The following GRID2 variants were observed in gnomAD, a reference collection of about 807,000 sequenced individuals.
GRID2 encodes the protein glutamate receptor ionotropic, delta-2.
Under a neutral mutation model 114.8 loss-of-function variants are expected in GRID2, and 33 were observed. The observed-to-expected ratio is 0.29, with a 90% CI of 0.22 to 0.38. The LOEUF (loss-of-function observed/expected upper bound fraction) is 0.38. GRID2 is among the 10% of genes least tolerant of loss of function. GRID2 has a pLI of 1.00. For missense variants in GRID2, 1,184 were observed against 1,257.7 expected, an observed-to-expected ratio of 0.94 and a Z score of 0.89; for synonymous variants, 505 against 449.9, an observed-to-expected ratio of 1.12 and a Z score of -1.55.
chr4:92,641,875 C>A (rs1019211964), intron 2 of GRID2, among the ~76,000 whole-genome samples: 2 of 150,270 alleles, frequency 1.3e-5, no homozygotes, highest in Admixed American at 6.7e-5. Flanking sequence ...TAAATGAGAA[C>A]ATGCAGTATT....
At chr4:92,954,525 C>T (rs183777894) in intron 2 of GRID2, among the ~76,000 whole-genome samples, 2,258 of 151,936 alleles carry the variant, frequency 0.015, 21 homozygotes, top group East Asian at 0.053. Context: ...CTCCCAGGTT[C>T]GCGCCATTCT....
intron 14 of GRID2, among the ~76,000 whole-genome samples, chr4:93,696,700 A>G (rs1194161279): frequency 1.3e-5 from 2 of 152,206 alleles, no homozygotes; most frequent in African/African-American, 2.4e-5. Flanking sequence ...ATTTGAAACT[A>G]GAAGTGCAAT....
At chr4:93,103,767 A>G (rs537779363) in intron 3 of GRID2, among the ~76,000 whole-genome samples, 1 of 152,166 alleles carries the variant, frequency 6.6e-6, no homozygotes, top group East Asian at 1.9e-4. Flanking sequence ...CTGTAACACA[A>G]AGAAGGTTAA....
intron 4 of GRID2, among the ~76,000 whole-genome samples, chr4:93,146,555 GTCTT>G (rs1403595031): frequency 6.6e-6 from 1 of 152,008 alleles, no homozygotes; most frequent in Non-Finnish European, 1.5e-5. Context: ...CATCTGAAGA[GTCTT>G]TCTGGATTCT....
At chr4:92,613,083 T>C (rs1365397124) in intron 2 of GRID2, among the ~76,000 whole-genome samples, 1 of 151,456 alleles carries the variant, frequency 6.6e-6, no homozygotes, top group African/African-American at 2.4e-5. Flanking sequence ...ATTTATCATG[T>C]TGAAGAAATT....
intron 2 of GRID2, among the ~76,000 whole-genome samples, chr4:92,704,897 T>G (rs2149304635): frequency 6.6e-6 from 1 of 152,076 alleles, no homozygotes; most frequent in African/African-American, 2.4e-5. Context: ...TTAGATTCAC[T>G]TGTATATAAA....
chr4:92,469,019 A>G (rs548976135), intron 1 of GRID2, among the ~76,000 whole-genome samples: 2 of 152,236 alleles, frequency 1.3e-5, no homozygotes, highest in Admixed American at 6.5e-5. Flanking sequence ...AGCTCAACCT[A>G]TGTCACTGCC....
intron 2 of GRID2, among the ~76,000 whole-genome samples, chr4:92,943,227 C>G (rs950969632): frequency 6.6e-6 from 1 of 152,174 alleles, no homozygotes; most frequent in African/African-American, 2.4e-5. Flanking sequence ...TAGATTTGGT[C>G]TTTTCACATA....
chr4:92,546,558 G>A (rs1393832858), intron 1 of GRID2, among the ~76,000 whole-genome samples: 2 of 152,116 alleles, frequency 1.3e-5, no homozygotes, highest in Non-Finnish European at 2.9e-5. Context: ...GTGTGTGCGC[G>A]CGCGTGTGCA....
At chr4:93,206,262 T>A (rs2149468288) in intron 4 of GRID2, among the ~76,000 whole-genome samples, 1 of 152,030 alleles carries the variant, frequency 6.6e-6, no homozygotes, top group African/African-American at 2.4e-5. Flanking sequence ...TTACGTACTT[T>A]GAAAAAACAT....
intron 2 of GRID2, among the ~76,000 whole-genome samples, chr4:92,727,845 A>T (rs968042434): frequency 2.0e-5 from 3 of 152,060 alleles, no homozygotes; most frequent in Non-Finnish European, 4.4e-5. Flanking sequence ...CATTTTATGG[A>T]TGAAAAAAAC....
At chr4:93,325,331 C>A (rs1294309548) in intron 8 of GRID2, among the ~76,000 whole-genome samples, 2 of 151,968 alleles carry the variant, frequency 1.3e-5, no homozygotes, top group Non-Finnish European at 2.9e-5. Context: ...TGAGGACTTG[C>A]ATGTTTTACT....
chr4:92,469,194 G>C (rs977217677), intron 1 of GRID2, among the ~76,000 whole-genome samples: 4 of 152,022 alleles, frequency 2.6e-5, no homozygotes, highest in Admixed American at 2.6e-4. Flanking sequence ...TTTCTTTTTG[G>C]AATTATTTTT....
chr4:92,333,757 T>TG (rs1440218881), intron 1 of GRID2, among the ~76,000 whole-genome samples: 2 of 152,162 alleles, frequency 1.3e-5, no homozygotes, highest in East Asian at 3.9e-4. Context: ...TAGTTAGATA[T>TG]GGGGTCTTGG....
At chr4:93,521,368 G>A (rs776862187) in intron 13 of GRID2, among the ~76,000 whole-genome samples, 1 of 152,096 alleles carries the variant, frequency 6.6e-6, no homozygotes, top group Non-Finnish European at 1.5e-5. Context: ...TTTAGAGGAG[G>A]CAGAGACAGA....
chr4:93,315,764 C>T (rs1756514290), intron 8 of GRID2, among the ~76,000 whole-genome samples: 1 of 152,112 alleles, frequency 6.6e-6, no homozygotes, highest in Non-Finnish European at 1.5e-5. Flanking sequence ...TAGTTACATA[C>T]TCTCCTATAC....
At position 93,772,140 on chromosome 4, in the gene GRID2, A is replaced by G. The variant is rs1734157281; in HGVS notation, c.2666A>G (p.Asp889Gly). 6.2e-7 allele frequency: 1 copy of G among 1,613,142 alleles called. No homozygotes were observed. Among genetic ancestry groups the G allele is most frequent in the Non-Finnish European group, 8.5e-7 (1 of 1,179,128 alleles). The change falls in exon 16 of 16, where the codon GAC becomes GGC. Residue 889 changes from aspartate to glycine, a missense_variant. Coordinates refer to ENST00000282020, the MANE Select transcript of GRID2 (RefSeq NM_001510.4). Reference sequence around the variant, plus strand: ...GTAAATAGCTTGTGCACAGATGACGACAGCCCCCATAAACAGTTTTCCACC... The same window carrying G: ...GTAAATAGCTTGTGCACAGATGACGGCAGCCCCCATAAACAGTTTTCCACC... ...RRVNSLCTDDDSPHKQFSTSS... is the reference protein window; with the variant it reads ...RRVNSLCTDDGSPHKQFSTSS...
chr4:93,073,922 G>A (rs1415665557), intron 2 of GRID2, among the ~76,000 whole-genome samples: 1 of 152,186 alleles, frequency 6.6e-6, no homozygotes, highest in African/African-American at 2.4e-5. Context: ...GGCTGGACCA[G>A]GTCCGCGATA....
chr4:93,359,592 C>T (rs1160956291), intron 8 of GRID2, among the ~76,000 whole-genome samples: 1 of 151,298 alleles, frequency 6.6e-6, no homozygotes. Flanking sequence ...CCTCTGGTAA[C>T]CATCCTTCTC....
Sources: allele counts gnomAD v4.1 joint callset (sites outside exome capture counted in the v4.1 genomes callset), GRCh38; gene constraint gnomAD v4.1.1; transcripts MANE v1.5; gene names NCBI Gene and HGNC (gene_info 2026-07-23, HGNC 2026-07-21).